Variants in DEDD2 observed in about 807,000 individuals in gnomAD.
DEDD2 encodes the protein DNA-binding death effector domain-containing protein 2.
Under a neutral mutation model 28.9 loss-of-function variants are expected in DEDD2, and 18 were observed. That is an observed-to-expected ratio of 0.62 (90% confidence interval 0.43 to 0.92). DEDD2 has a LOEUF of 0.92. DEDD2 is among the 40% of genes least tolerant of loss of function. The pLI, the probability that DEDD2 is intolerant of heterozygous loss-of-function variation, is 0.00. For synonymous variants in DEDD2, 211 were observed against 206.1 expected (o/e 1.02, Z -0.20); for missense variants, 411 against 463.3 (o/e 0.89, Z 1.04).
rs753388225 is a variant in DEDD2, at chr19:42,216,982, G to A, written c.26C>T (p.Ala9Val). 9 of 1,596,118 alleles carry A rather than the reference G, an allele frequency of 5.6e-6. No homozygotes were observed. The highest frequency in any genetic ancestry group is 7.7e-6 in the Non-Finnish European group (9 of 1,172,002). MALSGSTPAPCWEEDECLD... is the reference protein window; with the variant it reads MALSGSTPVPCWEEDECLD... ...GCACTCATCCTCCTCCCAGCACGGG[G>A]CCGGGGTCGACCCGGATAGCGCCAT... is the stretch of plus-strand genomic sequence containing the variant. The change falls in exon 2 of 5, where the codon GCC becomes GTC. Residue 9 changes from alanine to valine, a missense_variant. Ala to Val is a moderately conservative substitution (Grantham distance 64). This residue lies in a region of DEDD2 where 282 missense variants were observed against 273.4 expected (regional missense o/e 1.03). Transcript: ENST00000596251.
rs142772067 is a variant in DEDD2, at chr19:42,209,727, G to T, written c.562C>A (p.Pro188Thr). 53 of 1,607,934 alleles carry T rather than the reference G, an allele frequency of 3.3e-5. No homozygotes were observed. In the African/African-American group the frequency reaches 6.3e-4, roughly 19 times the overall value. The stretch of plus-strand genomic sequence containing the variant: ...CAGGTCACTTTGCCTTCAGAGGAAG[G>T]TCTGGCGGGCTCTGACTGCTGCTGG... ...APQQQSEPARPSSEGKVTCDI... is the reference protein window; with the variant it reads ...APQQQSEPARTSSEGKVTCDI... Residue 188 changes from proline to threonine, a missense_variant, in exon 4 of 5, where the codon CCT becomes ACT. Pro to Thr is a conservative substitution (Grantham distance 38, BLOSUM62 -1). This residue lies in a region of DEDD2 where 282 missense variants were observed against 273.4 expected (regional missense o/e 1.03). Coordinates refer to ENST00000596251, the MANE Select transcript of DEDD2 (RefSeq NM_133328.4).
chr19:42,209,603 A>T (rs2035668601), intron 4 of DEDD2, 97 bp downstream of exon 4: 1 of 1,477,420 alleles, frequency 6.8e-7, no homozygotes, highest in Admixed American at 2.4e-5. Flanking sequence ...CCCATCTGCC[A>T]AGTGTGTCAC....
rs944810154 is a variant in DEDD2, at chr19:42,209,746, C to A, written c.543G>T (p.Gln181His). 7.5e-6 allele frequency: 12 copies of A among 1,606,960 alleles called. No homozygotes were observed. Among genetic ancestry groups the A allele is most frequent in the African/African-American group, 1.3e-5 (1 of 74,424 alleles). ...AGGAAGGTCTGGCGGGCTCTGACTG[C>A]TGCTGGGGTGCGGCTGGGGCCCCTC... ...RRRGAPAAPQ[Q>H]QSEPARPSSE... The change falls in exon 4 of 5, where the codon CAG (glutamine) becomes CAT (histidine). Residue 181 changes from glutamine (Q) to histidine (H), a missense_variant. By Grantham distance (24) the Gln-to-His change is conservative. Transcript: ENST00000596251.
chr19:42,208,206 C>T (rs2068213401), intron 4 of DEDD2, among the ~76,000 whole-genome samples: 1 of 152,150 alleles, frequency 6.6e-6, no homozygotes, highest in African/African-American at 2.4e-5. Context: ...CTGTGTCCTC[C>T]CCACATGACC....
At chr19:42,213,466 G>T (rs1397796633) in intron 3 of DEDD2, among the ~76,000 whole-genome samples, 1 of 152,096 alleles carries the variant, frequency 6.6e-6, no homozygotes, top group Non-Finnish European at 1.5e-5. Flanking sequence ...AAACATGGCA[G>T]ATATCCCCTT....
At chr19:42,213,786 GGCAGTTTCTGTGCTAT>G (rs563795408) in intron 3 of DEDD2, among the ~76,000 whole-genome samples, 3,909 of 152,250 alleles carry the variant, frequency 0.026, 170 homozygotes, top group African/African-American at 0.088. Flanking sequence ...GGGGTGTAGG[GGCAGTTTCTGTGCTAT>G]AGCAGGAGAC....
Position 42,199,408 on chromosome 19 carries a change from G to T in DEDD2, c.*30C>A. 6.5e-7 allele frequency: 1 copy of T among 1,544,742 alleles called. No homozygotes were observed. Among genetic ancestry groups the T allele is most frequent in the South Asian group, 1.2e-5 (1 of 82,828 alleles). ...CCAGGAGAAGGTGGCCCGGAGACTT[G>T]GAGGTGGGATCAATCCTGCCAGTCC... is the stretch of plus-strand genomic sequence containing the variant. On this transcript the variant is annotated 3_prime_UTR_variant, in exon 5 of 5. Transcript: ENST00000596251. This position sits in a 1 kb window ranked among gnomAD's most constrained non-coding sequence, Gnocchi z 7.4.
At chr19:42,208,711 G>A (rs918364565) in intron 4 of DEDD2, among the ~76,000 whole-genome samples, 7 of 152,158 alleles carry the variant, frequency 4.6e-5, no homozygotes, top group African/African-American at 7.2e-5. Flanking sequence ...ACTTATCATT[G>A]TCTAAAATGA....
At chr19:42,215,084 C>T (rs200589376) in intron 3 of DEDD2, 49 bp downstream of exon 3, 185 of 1,607,868 alleles carry the variant, frequency 1.2e-4, no homozygotes, top group Non-Finnish European at 4.2e-6. Flanking sequence ...GGGCACAATT[C>T]ATAAGGAAAA....
rs367630646 is a variant in DEDD2, at chr19:42,209,547, G to T, written c.589+153C>A. On this transcript the variant is annotated intron_variant, in intron 4 of 4. Transcript: ENST00000596251. ...GGACAGGATGTAGACAGGCAAGATG[G>T]CGAGAGAAAGGACAAGAATTCCACT... 1.5e-3 allele frequency among the ~76,000 whole-genome samples: 221 copies of T among 152,328 alleles called. 6 individuals carry two copies. In the South Asian group the frequency reaches 0.042, roughly 29 times the overall value.
intron 1 of DEDD2, among the ~76,000 whole-genome samples, 191 bp from the exon 2 acceptor site, chr19:42,217,236 G>A (rs968346381): frequency 5.3e-5 from 8 of 151,892 alleles, no homozygotes; most frequent in Non-Finnish European, 8.8e-5. Flanking sequence ...TCGGGACGCC[G>A]GAGCCCGCTC....
At chr19:42,214,244 C>A (rs995425674) in intron 3 of DEDD2, among the ~76,000 whole-genome samples, 14 of 152,120 alleles carry the variant, frequency 9.2e-5, no homozygotes, top group African/African-American at 3.1e-4. Context: ...TCTCTTGAGG[C>A]CAGGAGTTCG....
intron 1 of DEDD2, 44 bp from the exon 2 acceptor site, chr19:42,217,089 G>C (rs1242611961): frequency 7.1e-7 from 1 of 1,416,054 alleles, no homozygotes; most frequent in East Asian, 2.5e-5. Flanking sequence ...CAGCGACGCG[G>C]AGGCCCGAAC....
At chr19:42,206,992 G>A (rs1226982520) in intron 4 of DEDD2, among the ~76,000 whole-genome samples, 2 of 152,146 alleles carry the variant, frequency 1.3e-5, no homozygotes, top group Non-Finnish European at 2.9e-5. Flanking sequence ...GCCAAGCCCT[G>A]GTTAACGACC....
chr19:42,219,376 G>A (rs2146922682), upstream of DEDD2, among the ~76,000 whole-genome samples: 1 of 152,136 alleles, frequency 6.6e-6, no homozygotes, highest in South Asian at 2.1e-4. Flanking sequence ...CGAGACGGGT[G>A]GATCACCTGA....
chr19:42,217,869 C>T (rs2036051490), upstream of DEDD2: 1 of 152,340 alleles, frequency 6.6e-6, no homozygotes, highest in South Asian at 2.1e-4. Flanking sequence ...GAGTGCTGCG[C>T]TTGCGCAGAG....
At chr19:42,217,772 C>G (rs927918224), upstream of DEDD2, 1 of 152,428 alleles carries the variant, frequency 6.6e-6, no homozygotes, top group Non-Finnish European at 1.5e-5. Flanking sequence ...CCGCCACGCC[C>G]CTTCGGCGCA....
At chr19:42,219,732 G>A (rs1409702099), upstream of DEDD2, among the ~76,000 whole-genome samples, 22 of 152,210 alleles carry the variant, frequency 1.4e-4, no homozygotes, top group Admixed American at 1.4e-3. Flanking sequence ...AAGGGGGCCT[G>A]GTAAGTGACT....
intron 4 of DEDD2, chr19:42,201,814 G>C: frequency 2.5e-6 from 1 of 393,018 alleles, no homozygotes; most frequent in Non-Finnish European, 4.5e-6. Context: ...AGACCCAGCT[G>C]TCTCTACCCA....
Sources: gnomAD v4.1 joint callset for allele counts (sites outside exome capture counted in the v4.1 genomes callset) on GRCh38, gnomAD v4.1.1 for gene constraint, gnomAD v4.1.1 regional missense constraint, Gnocchi (gnomAD v3.1) non-coding constraint, MANE v1.5 for transcripts, NCBI Gene and HGNC (gene_info 2026-07-23, HGNC 2026-07-21) for gene names.